Variants in MYO1D observed in about 807,000 individuals in gnomAD.
MYO1D encodes myosin ID, also known as unconventional myosin-Id.
Under a neutral mutation model 122.0 loss-of-function variants are expected in MYO1D, and 83 were observed. The observed-to-expected ratio is 0.68, with a 90% CI of 0.57 to 0.82. The LOEUF is 0.82. Among genes scored for constraint, MYO1D ranks in the 40% least tolerant of loss-of-function variants. The probability of loss-of-function intolerance (pLI) is 0.00; values close to 1 mark genes in which losing one functional copy is unlikely to be tolerated. For missense variants in MYO1D, 1,157 were observed against 1,269.5 expected (o/e 0.91, Z 1.35); for synonymous variants, 464 against 446.9 (o/e 1.04, Z -0.48).
At chr17:32,768,597 T>G (rs2090083991) in intron 6 of MYO1D, among the ~76,000 whole-genome samples, 2 of 152,198 alleles carry the variant, frequency 1.3e-5, no homozygotes, top group African/African-American at 4.8e-5. Context: ...CCTCTCTGCC[T>G]GGTGAGTACA....
intron 1 of MYO1D, among the ~76,000 whole-genome samples, chr17:32,789,418 G>C (rs1163516205): frequency 2.6e-5 from 4 of 152,020 alleles, no homozygotes. Flanking sequence ...ACAGATGTGA[G>C]GTATCTGATA....
intron 21 of MYO1D, among the ~76,000 whole-genome samples, chr17:32,575,948 G>C (rs1258882322): frequency 6.6e-6 from 1 of 152,130 alleles, no homozygotes; most frequent in African/African-American, 2.4e-5. Flanking sequence ...TTTGGTGTGT[G>C]TCAATCAATG....
chr17:32,499,178 G>A (rs1909228625), intron 21 of MYO1D: 1 of 152,084 alleles, frequency 6.6e-6, no homozygotes. Context: ...AACAGAGCGA[G>A]ACTCCCTCTC....
chr17:32,589,943 T>C (rs2087423785), intron 21 of MYO1D, among the ~76,000 whole-genome samples: 1 of 152,232 alleles, frequency 6.6e-6, no homozygotes, highest in South Asian at 2.1e-4. Flanking sequence ...CAATTAACTC[T>C]TTTTGGCATG....
chr17:32,534,415 C>T lies in MYO1D; in HGVS notation c.2865-39500G>A, dbSNP rs372714561. 3.8e-4 allele frequency among the ~76,000 whole-genome samples: 58 copies of T among 152,264 alleles called. 3 individuals are homozygous for T. The highest frequency in any genetic ancestry group is 3.1e-3 in the East Asian group (16 of 5,192). ...CTTGAAGTCCTGGCCTCAAGTGATTCTCCCATCTCAGCTTCATAAAGTGTT... is the reference window on the plus strand; with the variant it reads ...CTTGAAGTCCTGGCCTCAAGTGATTTTCCCATCTCAGCTTCATAAAGTGTT... On this transcript the variant is annotated intron_variant, in intron 21 of 21. Coordinates refer to ENST00000318217, the MANE Select transcript of MYO1D (RefSeq NM_015194.3).
At chr17:32,828,206 T>C (rs2090739685) in intron 1 of MYO1D, among the ~76,000 whole-genome samples, 1 of 152,142 alleles carries the variant, frequency 6.6e-6, no homozygotes, top group African/African-American at 2.4e-5. Context: ...CTGTTTGTTT[T>C]CTCCCGTGCT....
At chr17:32,695,194 T>G (rs2089156312) in intron 16 of MYO1D, among the ~76,000 whole-genome samples, 1 of 152,222 alleles carries the variant, frequency 6.6e-6, no homozygotes, top group African/African-American at 2.4e-5. Flanking sequence ...CTGTTCTACC[T>G]CAGATCATCA....
At chr17:32,710,208 A>G (rs1181814360) in intron 16 of MYO1D, among the ~76,000 whole-genome samples, 1 of 152,192 alleles carries the variant, frequency 6.6e-6, no homozygotes, top group African/African-American at 2.4e-5. Flanking sequence ...TTAGTGCAAA[A>G]ACAGGCAAAT....
chr17:32,643,655 G>T (rs1352586333), intron 19 of MYO1D, among the ~76,000 whole-genome samples: 2 of 152,162 alleles, frequency 1.3e-5, no homozygotes, highest in Admixed American at 1.3e-4. Flanking sequence ...TTGGGAGGGT[G>T]TATGTGTCCA....
intron 1 of MYO1D, among the ~76,000 whole-genome samples, chr17:32,840,209 G>T (rs922938813): frequency 6.6e-6 from 1 of 152,168 alleles, no homozygotes; most frequent in African/African-American, 2.4e-5. Flanking sequence ...GGTGTTACTG[G>T]CGCACACTGG....
intron 1 of MYO1D, among the ~76,000 whole-genome samples, chr17:32,852,505 G>T (rs1034205441): frequency 6.6e-6 from 1 of 152,156 alleles, no homozygotes; most frequent in Non-Finnish European, 1.5e-5. Flanking sequence ...GAAGAATTGT[G>T]ATCTTAGAAA....
At chr17:32,648,068 G>A (rs1385247185) in intron 19 of MYO1D, among the ~76,000 whole-genome samples, 2 of 152,098 alleles carry the variant, frequency 1.3e-5, no homozygotes, top group Admixed American at 1.3e-4. Context: ...ATAAAAATTA[G>A]CCAGGCGTGG....
intron 21 of MYO1D, among the ~76,000 whole-genome samples, chr17:32,513,275 C>G (rs1468343220): frequency 6.6e-6 from 1 of 152,146 alleles, no homozygotes; most frequent in Non-Finnish European, 1.5e-5. Context: ...AACTGTAAGT[C>G]AAGGCAGAAA....
intron 21 of MYO1D, 91 bp from the exon 22 acceptor site, chr17:32,495,006 G>T: frequency 2.1e-6 from 3 of 1,399,680 alleles, no homozygotes; most frequent in Non-Finnish European, 2.9e-6. Context: ...ATTGGCTCCG[G>T]CGCAGCCTGC....
intron 16 of MYO1D, among the ~76,000 whole-genome samples, chr17:32,678,333 G>A (rs1420246574): frequency 1.3e-5 from 2 of 149,990 alleles, no homozygotes; most frequent in African/African-American, 2.5e-5. Flanking sequence ...ATGCATACAT[G>A]TGCCATGCTG....
At chr17:32,519,884 A>G (rs1910057470) in intron 21 of MYO1D, among the ~76,000 whole-genome samples, 1 of 145,316 alleles carries the variant, frequency 6.9e-6, no homozygotes, top group Non-Finnish European at 1.5e-5. Flanking sequence ...GTGGGTAAAC[A>G]GCAGGCTTTT....
At chr17:32,620,790 C>T (rs2087845453) in intron 20 of MYO1D, among the ~76,000 whole-genome samples, 1 of 152,128 alleles carries the variant, frequency 6.6e-6, no homozygotes, top group East Asian at 1.9e-4. Context: ...GCAGTGGTTT[C>T]TGATGTAGGG....
chr17:32,522,499 C>T (rs1353466798), intron 21 of MYO1D, among the ~76,000 whole-genome samples: 1 of 152,166 alleles, frequency 6.6e-6, no homozygotes, highest in Non-Finnish European at 1.5e-5. Flanking sequence ...GCATAGTGAA[C>T]ATATTAGGAA....
chr17:32,755,802 G>A (rs773134542), intron 10 of MYO1D, 140 bp from the exon 11 acceptor site: 18 of 622,028 alleles, frequency 2.9e-5, no homozygotes, highest in Admixed American at 2.0e-4. Flanking sequence ...GAGGTCTTAC[G>A]CTAAAAAGAG....
Sources: gnomAD v4.1 joint callset for allele counts (sites outside exome capture counted in the v4.1 genomes callset) on GRCh38, gnomAD v4.1.1 for gene constraint, MANE v1.5 for transcripts, NCBI Gene and HGNC (gene_info 2026-07-23, HGNC 2026-07-21) for gene names.